The following ARSB variants were observed in gnomAD, a reference collection of about 807,000 sequenced individuals.
ARSB encodes N-acetylgalactosamine-4-sulfatase.
Under a neutral mutation model 50.9 loss-of-function variants are expected in ARSB, and 41 were observed. The ratio of observed to expected loss-of-function variants is 0.81; its 90% CI spans 0.63 to 1.04. ARSB has a LOEUF of 1.04. Ranked by LOEUF, ARSB falls within the 50% of genes least tolerant of loss-of-function variation. The probability of loss-of-function intolerance (pLI) is 0.00; values close to 1 mark genes in which losing one functional copy is unlikely to be tolerated. For synonymous variants in ARSB, 269 were observed against 284.8 expected (o/e 0.94, Z 0.56); for missense variants, 672 against 693.3 (o/e 0.97, Z 0.35).
At chr5:78,808,827 C>T (rs1290487920) in intron 6 of ARSB, among the ~76,000 whole-genome samples, 5 of 152,202 alleles carry the variant, frequency 3.3e-5, no homozygotes, top group Non-Finnish European at 7.3e-5. Flanking sequence ...CACAGGATGG[C>T]CCCCTGGGCT....
At chr5:78,824,572 T>C (rs1744358403) in intron 6 of ARSB, among the ~76,000 whole-genome samples, 1 of 152,164 alleles carries the variant, frequency 6.6e-6, no homozygotes, top group African/African-American at 2.4e-5. Flanking sequence ...TGTAGGGTAA[T>C]AGACCAGATG....
intron 4 of ARSB, among the ~76,000 whole-genome samples, chr5:78,940,184 C>T (rs1750840162): frequency 6.6e-6 from 1 of 152,098 alleles, no homozygotes; most frequent in Non-Finnish European, 1.5e-5. Flanking sequence ...GATATTAGCC[C>T]TTTGTCAGAT....
intron 4 of ARSB, among the ~76,000 whole-genome samples, chr5:78,896,821 C>T (rs1426303504): frequency 6.6e-6 from 1 of 152,098 alleles, no homozygotes; most frequent in African/African-American, 2.4e-5. Context: ...TTTTGTGATG[C>T]TCCTTTGTCC....
At chr5:78,915,653 A>G (rs380061) in intron 4 of ARSB, among the ~76,000 whole-genome samples, 143,189 of 152,246 alleles carry the variant, frequency 0.94, 67,765 homozygotes, top group East Asian at 1. Flanking sequence ...CAAAACACTT[A>G]GGACCAGAAG....
chr5:78,896,466 G>C (rs1246942332), intron 4 of ARSB, among the ~76,000 whole-genome samples: 1 of 152,184 alleles, frequency 6.6e-6, no homozygotes, highest in East Asian at 1.9e-4. Context: ...ACTGCGTTCA[G>C]TGACAGGGTA....
intron 5 of ARSB, among the ~76,000 whole-genome samples, chr5:78,880,149 G>C (rs367549604): frequency 6.6e-6 from 1 of 152,160 alleles, no homozygotes; most frequent in Non-Finnish European, 1.5e-5. Context: ...ACCGAAGAAA[G>C]ATCTGCAATT....
At chr5:78,931,062 C>T (rs1018489786) in intron 4 of ARSB, among the ~76,000 whole-genome samples, 1 of 152,188 alleles carries the variant, frequency 6.6e-6, no homozygotes, top group Non-Finnish European at 1.5e-5. Context: ...GGACAGAATG[C>T]CAACAAAGGC....
At chr5:78,939,158 G>C (rs913564613) in intron 4 of ARSB, among the ~76,000 whole-genome samples, 3 of 152,194 alleles carry the variant, frequency 2.0e-5, no homozygotes, top group African/African-American at 7.2e-5. Flanking sequence ...ATGCCATGGG[G>C]AGAACATGAA....
intron 6 of ARSB, among the ~76,000 whole-genome samples, chr5:78,813,976 A>AGCCCTGGGTTATCATCTTC (rs750550996): frequency 6.6e-6 from 1 of 151,646 alleles, no homozygotes. Context: ...ACAAGTACCA[A>AGCCCTGGGTTATCATCTTC]ACAGTCTCCA....
chr5:78,957,287 G>A (rs1019830304), intron 3 of ARSB, among the ~76,000 whole-genome samples: 1 of 152,120 alleles, frequency 6.6e-6, no homozygotes, highest in African/African-American at 2.4e-5. Flanking sequence ...CTTTGGTGGG[G>A]GGGTGGTGCT....
chr5:78,801,708 T>C (rs1461809062), intron 6 of ARSB, among the ~76,000 whole-genome samples: 2 of 152,140 alleles, frequency 1.3e-5, no homozygotes, highest in African/African-American at 2.4e-5. Context: ...GTGAGTGCGG[T>C]TGGGAGCACC....
rs561775339 is a variant in ARSB at position 78,895,076 on chromosome 5, C to T, written c.899-9249G>A. On this transcript the variant is annotated intron_variant, in intron 4 of 7. Transcript: ENST00000264914. ...ACAAACAAACAAATCAAAACAAATG[C>T]CCCTGAGTTACCACAATAGGCACCA... Among the ~76,000 whole-genome samples the T allele has an allele frequency of 2.6e-5, 4 of 152,278 alleles. No homozygotes were observed. In the South Asian group the frequency reaches 8.3e-4, roughly 32 times the overall value.
chr5:78,976,935 C>T (rs1354759982), intron 1 of ARSB, among the ~76,000 whole-genome samples: 1 of 152,160 alleles, frequency 6.6e-6, no homozygotes, highest in Admixed American at 6.5e-5. Context: ...TTACAACAAG[C>T]TCGTTCCAGC....
At chr5:78,930,027 G>A (rs184381512) in intron 4 of ARSB, among the ~76,000 whole-genome samples, 355 of 152,174 alleles carry the variant, frequency 2.3e-3, no homozygotes, top group Non-Finnish European at 3.4e-3. Flanking sequence ...TCCCTCCAGC[G>A]ACTCACAGAT....
chr5:78,791,524 G>A (rs148546171), intron 6 of ARSB, among the ~76,000 whole-genome samples: 25 of 152,302 alleles, frequency 1.6e-4, no homozygotes, highest in African/African-American at 5.5e-4. Context: ...CCCAGAGCCC[G>A]TGAGTCCCCC....
chr5:78,859,602 C>A (rs1465519305), intron 5 of ARSB, among the ~76,000 whole-genome samples: 2 of 152,064 alleles, frequency 1.3e-5, no homozygotes, highest in African/African-American at 2.4e-5. Context: ...AAGAGACGAA[C>A]AACACATTCT....
chr5:78,871,354 C>A (rs935542547), intron 5 of ARSB, among the ~76,000 whole-genome samples: 20 of 151,854 alleles, frequency 1.3e-4, no homozygotes, highest in Non-Finnish European at 2.4e-4. Flanking sequence ...GCCCTCATTG[C>A]CAAGTCAATC....
At chr5:78,853,303 G>T (rs1409630349) in intron 5 of ARSB, among the ~76,000 whole-genome samples, 1 of 152,196 alleles carries the variant, frequency 6.6e-6, no homozygotes, top group Non-Finnish European at 1.5e-5. Context: ...AGGTCTGTTG[G>T]AGTTTGCTAG....
chr5:78,973,808 T>C (rs1432018535), intron 1 of ARSB, among the ~76,000 whole-genome samples: 1 of 152,178 alleles, frequency 6.6e-6, no homozygotes, highest in Non-Finnish European at 1.5e-5. Flanking sequence ...TGAGATAATA[T>C]CCCGTTGAAC....
Sources: gnomAD v4.1 joint callset for allele counts (sites outside exome capture counted in the v4.1 genomes callset) on GRCh38, gnomAD v4.1.1 for gene constraint, MANE v1.5 for transcripts, NCBI Gene and HGNC (gene_info 2026-07-23, HGNC 2026-07-21) for gene names.